VPS54: variants seen among roughly 807,000 people sequenced by gnomAD.
VPS54 encodes the protein VPS54 subunit of GARP complex, also known as vacuolar protein sorting-associated protein 54.
Under a neutral mutation model 121.5 loss-of-function variants are expected in VPS54, and 45 were observed. That is an observed-to-expected ratio of 0.37 (90% CI 0.29 to 0.47). The LOEUF is 0.47. Among genes scored for constraint, VPS54 ranks in the 20% least tolerant of loss-of-function variants. VPS54 has a pLI of 0.99. For synonymous variants in VPS54, 371 were observed against 385.8 expected (o/e 0.96, Z 0.45); for missense variants, 1,090 against 1,131.4 (o/e 0.96, Z 0.52).
chr2:63,915,307 C>A (rs2104439600), intron 16 of VPS54, among the ~76,000 whole-genome samples: 1 of 151,954 alleles, frequency 6.6e-6, no homozygotes, highest in South Asian at 2.1e-4. Context: ...TATCTAAGTT[C>A]AATGACATGC....
intron 1 of VPS54, among the ~76,000 whole-genome samples, chr2:64,012,623 T>C (rs755649151): frequency 1.3e-5 from 2 of 151,916 alleles, no homozygotes; most frequent in Admixed American, 6.6e-5. Context: ...TACCTCTTCC[T>C]GCTTCATCTG....
rs1251887602 is a variant in VPS54 at position 63,992,635 on chromosome 2, T to C, written c.-20-8616A>G. ...TTTCTGAACAGTTACAACTTAGAAA[T>C]TTGGAACCTTCTTTCCCGCTGGAAT... On this transcript the variant is annotated intron_variant, in intron 1 of 22. Transcript: ENST00000272322. Among the ~76,000 whole-genome samples the C allele has an allele frequency of 6.6e-5, 10 of 152,200 alleles. No homozygotes were observed. The East Asian group carries it at 1.9e-3, about 29-fold the overall frequency.
intron 11 of VPS54, among the ~76,000 whole-genome samples, chr2:63,938,441 A>G (rs1487064207): frequency 6.6e-6 from 1 of 152,020 alleles, no homozygotes; most frequent in Non-Finnish European, 1.5e-5. Context: ...GAGGACTGGG[A>G]CTTTCAGCCC....
At chr2:63,927,077 G>C (rs953062529) in intron 12 of VPS54, among the ~76,000 whole-genome samples, 54 of 152,168 alleles carry the variant, frequency 3.5e-4, no homozygotes, top group Admixed American at 2.4e-3. Flanking sequence ...CCCTGGGGAG[G>C]GCACAGCTGA....
intron 12 of VPS54, among the ~76,000 whole-genome samples, chr2:63,928,143 C>T (rs913751321): frequency 1.3e-5 from 2 of 152,124 alleles, no homozygotes; most frequent in Non-Finnish European, 2.9e-5. Flanking sequence ...CCAACATTCA[C>T]ATTCAGGAAA....
Position 63,983,948 on chromosome 2 carries a change from C to T in VPS54, c.52G>A (p.Val18Ile). Reference sequence around the variant, plus strand: ...GGATCTACCTCTATTTTAAAGAAAACATCACTGCTGCTTCCTTGAGGCACT... The same window carrying T: ...GGATCTACCTCTATTTTAAAGAAAATATCACTGCTGCTTCCTTGAGGCACT... ...SPVPQGSSSD[V>I]FFKIEVDPSK... Residue 18 changes from valine (V) to isoleucine (I), a missense_variant, in exon 2 of 23, where the codon GTT becomes ATT. By Grantham distance (29) the Val-to-Ile change is conservative. This residue lies in a region of VPS54 where 801 missense variants were observed against 757.0 expected (regional missense o/e 1.06). Coordinates refer to ENST00000272322, the MANE Select transcript of VPS54 (RefSeq NM_016516.3). The T allele has an allele frequency of 1.2e-6, 2 of 1,613,556 alleles. No individual in the cohort carries two copies. Among genetic ancestry groups the T allele is most frequent in the South Asian group, 1.1e-5 (1 of 90,962 alleles).
At chr2:63,997,801 A>T (rs1194450681) in intron 1 of VPS54, among the ~76,000 whole-genome samples, 1 of 151,072 alleles carries the variant, frequency 6.6e-6, no homozygotes, top group Non-Finnish European at 1.5e-5. Flanking sequence ...TTTTATTTAA[A>T]GTTTTTCTTC....
chr2:63,910,723 TTC>T (rs1255869021), intron 20 of VPS54, among the ~76,000 whole-genome samples: 1 of 152,314 alleles, frequency 6.6e-6, no homozygotes, highest in East Asian at 1.9e-4. Flanking sequence ...AATTAAACAA[TTC>T]TCTTTTTTCT....
At chr2:63,915,484 G>C (rs1024175029) in intron 16 of VPS54, among the ~76,000 whole-genome samples, 6 of 152,180 alleles carry the variant, frequency 3.9e-5, no homozygotes, top group African/African-American at 1.4e-4. Flanking sequence ...ATGAGCATGA[G>C]TCCATTGCTT....
intron 12 of VPS54, among the ~76,000 whole-genome samples, chr2:63,924,418 A>G (rs77994527): frequency 0.018 from 2,691 of 152,340 alleles, 34 homozygotes; most frequent in Non-Finnish European, 0.022. Flanking sequence ...TGAAGGTAAC[A>G]GAGAACTAAG....
At chr2:64,007,957 A>G (rs1244943587) in intron 1 of VPS54, among the ~76,000 whole-genome samples, 1 of 152,016 alleles carries the variant, frequency 6.6e-6, no homozygotes, top group Non-Finnish European at 1.5e-5. Flanking sequence ...TGAGGTTAAG[A>G]GGTAAGTGAT....
Position 63,999,892 on chromosome 2 carries a change from G to A in VPS54, c.-20-15873C>T, listed in dbSNP as rs953093914. Among the ~76,000 whole-genome samples, 8 of 151,670 alleles carry A rather than the reference G, an allele frequency of 5.3e-5. 1 individual carries two copies. Among genetic ancestry groups the A allele is most frequent in the Non-Finnish European group, 7.4e-5 (5 of 67,938 alleles). On this transcript the variant is annotated intron_variant, in intron 1 of 22. Coordinates refer to ENST00000272322, the MANE Select transcript of VPS54 (RefSeq NM_016516.3). Reference sequence around the variant, plus strand: ...GTTTTTTGTTTTGAGATGGAGTCTCGCCCTGTCACCCAGACTAGAGTGCAA... The same window carrying A: ...GTTTTTTGTTTTGAGATGGAGTCTCACCCTGTCACCCAGACTAGAGTGCAA...
chr2:63,901,870 C>T (rs934339874), intron 20 of VPS54, among the ~76,000 whole-genome samples: 1 of 152,068 alleles, frequency 6.6e-6, no homozygotes, highest in Non-Finnish European at 1.5e-5. Context: ...ACAAAATTAG[C>T]TGGGCATGGT....
intron 5 of VPS54, 63 bp from the exon 6 acceptor site, chr2:63,966,029 T>C (rs1464461878): frequency 1.3e-6 from 2 of 1,501,462 alleles, no homozygotes; most frequent in Non-Finnish European, 1.8e-6. Flanking sequence ...TTATCTCTTC[T>C]AACATCATGA....
chr2:63,978,808 C>T (rs987983995), intron 3 of VPS54, among the ~76,000 whole-genome samples: 12 of 151,938 alleles, frequency 7.9e-5, no homozygotes, highest in Admixed American at 2.0e-4. Context: ...TTAGTAGAGA[C>T]GGAGTTTCAC....
intron 1 of VPS54, among the ~76,000 whole-genome samples, chr2:64,008,921 A>T (rs1678297367): frequency 6.6e-6 from 1 of 152,254 alleles, no homozygotes; most frequent in African/African-American, 2.4e-5. Flanking sequence ...ACCTAGTAAG[A>T]AAAATATTTC....
chr2:63,916,654 A>G (rs1673392291), intron 16 of VPS54, among the ~76,000 whole-genome samples: 1 of 152,122 alleles, frequency 6.6e-6, no homozygotes, highest in Non-Finnish European at 1.5e-5. Flanking sequence ...ATTTCTTGTT[A>G]TATGAGAAAA....
chr2:63,974,600 T>C (rs1676434153), intron 3 of VPS54, among the ~76,000 whole-genome samples: 2 of 152,226 alleles, frequency 1.3e-5, no homozygotes, highest in African/African-American at 4.8e-5. Flanking sequence ...TTTATTTAGA[T>C]ATTTAATTTC....
intron 11 of VPS54, among the ~76,000 whole-genome samples, chr2:63,940,115 A>G (rs1674651262): frequency 6.6e-6 from 1 of 152,152 alleles, no homozygotes; most frequent in Non-Finnish European, 1.5e-5. Context: ...ACCATTAAAA[A>G]TCCTTGGCTG....
Sources: gnomAD v4.1 joint callset for allele counts (sites outside exome capture counted in the v4.1 genomes callset) on GRCh38, gnomAD v4.1.1 for gene constraint, gnomAD v4.1.1 regional missense constraint, MANE v1.5 for transcripts, NCBI Gene and HGNC (gene_info 2026-07-23, HGNC 2026-07-21) for gene names.